Variants in HMCN1 observed in about 807,000 individuals in gnomAD.
HMCN1 encodes hemicentin-1.
A neutral mutation model predicts 625.9 loss-of-function variants in HMCN1; 321 were observed. The observed-to-expected ratio is 0.51, with a 90% CI of 0.47 to 0.56. The LOEUF is 0.56. Ranked by LOEUF, HMCN1 falls within the 20% of genes least tolerant of loss-of-function variation. HMCN1 has a pLI of 0.00. For missense variants in HMCN1, 6,588 were observed against 6,887.3 expected (o/e 0.96, Z 1.54); for synonymous variants, 2,425 against 2,417.6 (o/e 1.00, Z -0.09).
intron 4 of HMCN1, among the ~76,000 whole-genome samples, chr1:185,874,664 A>G (rs1244478879): frequency 1.3e-5 from 2 of 152,010 alleles, no homozygotes; most frequent in East Asian, 3.8e-4. Flanking sequence ...CTTTAAAGTC[A>G]TATACCACAT....
chr1:186,001,491 A>T, intron 27 of HMCN1, 63 bp downstream of exon 27: 1 of 1,600,702 alleles, frequency 6.2e-7, no homozygotes, highest in Non-Finnish European at 8.6e-7. Context: ...GGTTGTTCAG[A>T]TGTTCATTTC....
At chr1:186,057,947 G>A (rs965263213) in intron 46 of HMCN1, among the ~76,000 whole-genome samples, 1 of 151,978 alleles carries the variant, frequency 6.6e-6, no homozygotes, top group African/African-American at 2.4e-5. Context: ...AGCGTAGAGA[G>A]AGGCAAGCTG....
chr1:186,069,413 C>G (rs1658341961), intron 50 of HMCN1, among the ~76,000 whole-genome samples: 1 of 152,120 alleles, frequency 6.6e-6, no homozygotes, highest in South Asian at 2.1e-4. Context: ...GAGTGGTATA[C>G]AAAGGCATGG....
At chr1:185,815,837 A>G (rs369496257) in intron 1 of HMCN1, among the ~76,000 whole-genome samples, 2 of 150,286 alleles carry the variant, frequency 1.3e-5, no homozygotes, top group South Asian at 2.1e-4. Context: ...AATATTTACT[A>G]TATTGCTGAG....
Position 186,055,468 on chromosome 1 carries a change from A to C in HMCN1, c.6938A>C (p.Glu2313Ala). 6.2e-7 allele frequency: 1 copy of C among 1,612,800 alleles called. No homozygotes were observed. The highest frequency in any genetic ancestry group is 8.5e-7 in the Non-Finnish European group (1 of 1,179,236). ...ACCCGAGGGAAGAGTATCTCCTTGG[A>C]GTGTGAGGTGCAGGGTATTCCACCA... The part of the protein sequence containing the change: ...IVTRGKSISL[E>A]CEVQGIPPPT... The change falls in exon 45 of 107, where the codon GAG (glutamate) becomes GCG (alanine). Residue 2313 changes from glutamate (E) to alanine (A), a missense_variant. Coordinates refer to ENST00000271588, the MANE Select transcript of HMCN1 (RefSeq NM_031935.3).
At chr1:186,122,397 T>C (rs943815883) in intron 80 of HMCN1, among the ~76,000 whole-genome samples, 1 of 152,230 alleles carries the variant, frequency 6.6e-6, no homozygotes, top group Non-Finnish European at 1.5e-5. Flanking sequence ...ATCCTTATTA[T>C]AAGCTCTTTT....
intron 1 of HMCN1, among the ~76,000 whole-genome samples, chr1:185,764,772 A>T (rs1176597733): frequency 6.6e-6 from 1 of 152,214 alleles, no homozygotes; most frequent in Non-Finnish European, 1.5e-5. Flanking sequence ...AATAAAGTCT[A>T]TATGAAATAG....
intron 1 of HMCN1, among the ~76,000 whole-genome samples, chr1:185,824,160 C>T (rs371369496): frequency 6.6e-6 from 1 of 152,148 alleles, no homozygotes; most frequent in South Asian, 2.1e-4. Flanking sequence ...CTGAATAACC[C>T]TGACAAGGTC....
At position 186,003,747 on chromosome 1, in the gene HMCN1, C is replaced by G. The variant is rs1226773981; in HGVS notation, c.4378C>G (p.Pro1460Ala). 6.2e-7 allele frequency: 1 copy of G among 1,613,220 alleles called. No individual in the cohort carries two copies. The change falls in exon 29 of 107, where the codon CCA (proline) becomes GCA (alanine). Residue 1460 changes from proline (P) to alanine (A), a missense_variant. This residue lies in a region of HMCN1 where 4,628 missense variants were observed against 4,853.1 expected (regional missense o/e 0.95). Coordinates refer to ENST00000271588, the MANE Select transcript of HMCN1 (RefSeq NM_031935.3). ...ACCCACCATAATAGGTACCAACTTCCCAAATGAAGTCTCAGTTGTCCTCAA... is the reference window on the plus strand; with the variant it reads ...ACCCACCATAATAGGTACCAACTTCGCAAATGAAGTCTCAGTTGTCCTCAA... ...VPPTIIGTNF[P>A]NEVSVVLNRD...
chr1:185,815,495 A>G lies in HMCN1; in HGVS notation c.269-30531A>G, dbSNP rs542422583. 5.1e-4 allele frequency among the ~76,000 whole-genome samples: 76 copies of G among 150,308 alleles called. 11 individuals carry two copies. Among genetic ancestry groups the G allele is most frequent in the African/African-American group, 1.8e-3 (73 of 39,688 alleles). On this transcript the variant is annotated intron_variant, in intron 1 of 106. Transcript: ENST00000271588. ...TGTACTTAAACATAGGATGTACTCCAGGAAGATTTGTTGAATGAAAGGATG... is the reference window on the plus strand; with the variant it reads ...TGTACTTAAACATAGGATGTACTCCGGGAAGATTTGTTGAATGAAAGGATG...
At chr1:185,846,173 A>G (rs1260686076) in intron 2 of HMCN1, 77 bp downstream of exon 2, 1 of 1,145,880 alleles carries the variant, frequency 8.7e-7, no homozygotes, top group East Asian at 2.4e-5. Context: ...TATTTTTTAA[A>G]TCTAAAAGAC....
Position 185,735,023 on chromosome 1 carries a change from G to C in HMCN1, c.244G>C (p.Ala82Pro), listed in dbSNP as rs1557929050. The C allele has an allele frequency of 6.2e-7, 1 of 1,614,130 alleles. No homozygotes were observed. The highest frequency in any genetic ancestry group is 8.5e-7 in the Non-Finnish European group (1 of 1,180,022). The change falls in exon 1 of 107, where the codon GCG becomes CCG. Residue 82 changes from alanine to proline, a missense_variant. Coordinates refer to ENST00000271588, the MANE Select transcript of HMCN1 (RefSeq NM_031935.3). The part of the protein sequence containing the change: ...KRPKRPLFNF[A>P]LVPFHDPEIG... ...ACCTAAAAGACCTCTTTTCAACTTT[G>C]CGTTGGTGCCTTTCCATGATCCAGG...
intron 14 of HMCN1, among the ~76,000 whole-genome samples, chr1:185,967,290 A>G (rs1361120879): frequency 6.6e-6 from 1 of 152,144 alleles, no homozygotes; most frequent in Non-Finnish European, 1.5e-5. Flanking sequence ...TTAATCAATT[A>G]GTCTTCATGC....
At chr1:186,137,466 A>G (rs1428968141) in intron 87 of HMCN1, 32 bp from the exon 88 acceptor site, 1 of 1,607,366 alleles carries the variant, frequency 6.2e-7, no homozygotes, top group East Asian at 2.2e-5. Context: ...TATTTGCAAA[A>G]GCTTAGACAA....
chr1:186,161,972 CTAGA>C (rs1651519223), intron 97 of HMCN1, among the ~76,000 whole-genome samples: 1 of 152,156 alleles, frequency 6.6e-6, no homozygotes, highest in Admixed American at 6.5e-5. Context: ...GCCTGCCTTG[CTAGA>C]TTGGGGAAGT....
At chr1:186,106,588 G>A (rs2102452129) in intron 69 of HMCN1, among the ~76,000 whole-genome samples, 1 of 152,268 alleles carries the variant, frequency 6.6e-6, no homozygotes, top group South Asian at 2.1e-4. Flanking sequence ...TGAGGATATA[G>A]CCTATCACAT....
intron 1 of HMCN1, among the ~76,000 whole-genome samples, chr1:185,843,906 A>T (rs1661645621): frequency 6.6e-6 from 1 of 152,180 alleles, no homozygotes; most frequent in Admixed American, 6.5e-5. Context: ...TTTTAATAGC[A>T]TCCCTTGATC....
chr1:185,804,432 C>G (rs1252967696), intron 1 of HMCN1, among the ~76,000 whole-genome samples: 1 of 151,914 alleles, frequency 6.6e-6, no homozygotes, highest in Non-Finnish European at 1.5e-5. Flanking sequence ...TTCTAAATAC[C>G]TTGAGAGTGC....
rs756602450 is a variant in HMCN1, at chr1:186,001,396, C to G, written c.4168C>G (p.Pro1390Ala). 6.2e-7 allele frequency: 1 copy of G among 1,612,324 alleles called. No individual in the cohort carries two copies. The highest frequency in any genetic ancestry group is 1.7e-5 in the Admixed American group (1 of 59,924). ...LFCEVEGTPSPIIMWYKDNVQ... is the reference protein window; with the variant it reads ...LFCEVEGTPSAIIMWYKDNVQ... ...CTGTGAAGTGGAAGGCACTCCATCT[C>G]CCATCATTATGTGGTATAAAGATAA... The change falls in exon 27 of 107, where the codon CCC (proline) becomes GCC (alanine). Residue 1390 changes from proline to alanine, a missense_variant. Transcript: ENST00000271588.
Sources: allele counts gnomAD v4.1 joint callset (sites outside exome capture counted in the v4.1 genomes callset), GRCh38; gene constraint gnomAD v4.1.1; regional missense constraint gnomAD v4.1.1; transcripts MANE v1.5; gene names NCBI Gene and HGNC (gene_info 2026-07-23, HGNC 2026-07-21).